Variants in PCDHA12 observed in about 807,000 individuals in gnomAD.
The protein encoded by PCDHA12 is protocadherin alpha 12.
PCDHA12 carries 44 observed loss-of-function variants against 60.0 expected under a neutral mutation model. That is an observed-to-expected ratio of 0.73 (90% CI 0.58 to 0.94). The LOEUF (loss-of-function observed/expected upper bound fraction) is 0.94, where lower values mean the gene tolerates loss of function less well. Among genes scored for constraint, PCDHA12 ranks in the 40% least tolerant of loss-of-function variants. The probability of loss-of-function intolerance (pLI) is 0.00; values close to 1 mark genes in which losing one functional copy is unlikely to be tolerated. For synonymous variants in PCDHA12, 569 were observed against 553.0 expected (o/e 1.03, Z -0.40); for missense variants, 1,276 against 1,239.7 (o/e 1.03, Z -0.44).
intron 3 of PCDHA12, among the ~76,000 whole-genome samples, chr5:140,989,538 T>TAAA (rs2097347158): frequency 6.6e-6 from 1 of 152,180 alleles, no homozygotes; most frequent in Non-Finnish European, 1.5e-5. Flanking sequence ...GAAGATAGTT[T>TAAA]GTAATTCCTT....
chr5:140,965,821 C>T (rs782710036), intron 1 of PCDHA12, among the ~76,000 whole-genome samples: 9 of 152,150 alleles, frequency 5.9e-5, no homozygotes, highest in Non-Finnish European at 1.0e-4. Flanking sequence ...GCATTTTAAA[C>T]ATTTAAATAT....
intron 1 of PCDHA12, among the ~76,000 whole-genome samples, chr5:140,972,991 T>C (rs142551667): frequency 6.6e-6 from 1 of 152,222 alleles, no homozygotes; most frequent in Non-Finnish European, 1.5e-5. Context: ...GTAGATTCTG[T>C]GCATTTGTGG....
Position 140,877,655 on chromosome 5 carries a change from C to T in PCDHA12, c.2183C>T (p.Thr728Ile), listed in dbSNP as rs868936879. 4 of 1,613,562 alleles carry T rather than the reference C, an allele frequency of 2.5e-6. No individual in the cohort carries two copies. Among genetic ancestry groups the T allele is most frequent in the South Asian group, 2.2e-5 (2 of 91,062 alleles). ...GCGCTGCGTTGCTCAGCGCCGCCCA[C>T]CGTGAGCCGGTGCGCGCCGGGCAAG... ...YTALRCSAPP[T>I]VSRCAPGKPT... Residue 728 changes from threonine to isoleucine, a missense_variant, in exon 1 of 4, where the codon ACC becomes ATC. Thr to Ile is a moderately conservative substitution (Grantham distance 89). Coordinates refer to ENST00000398631, the MANE Select transcript of PCDHA12 (RefSeq NM_018903.4).
At chr5:140,931,791 T>A (rs1168945699) in intron 1 of PCDHA12, among the ~76,000 whole-genome samples, 1 of 152,016 alleles carries the variant, frequency 6.6e-6, no homozygotes, top group African/African-American at 2.4e-5. Context: ...CCTATTGATC[T>A]GATCTTAATT....
intron 1 of PCDHA12, among the ~76,000 whole-genome samples, chr5:140,954,291 T>C (rs1309677058): frequency 6.6e-6 from 1 of 152,230 alleles, no homozygotes; most frequent in African/African-American, 2.4e-5. Context: ...TTCCTTTGGG[T>C]ACATACCCAG....
intron 1 of PCDHA12, among the ~76,000 whole-genome samples, chr5:140,921,577 A>G (rs1248608945): frequency 6.6e-6 from 1 of 152,242 alleles, no homozygotes; most frequent in African/African-American, 2.4e-5. Context: ...AGTAGAGCTC[A>G]TACTATATTA....
chr5:140,906,615 T>C (rs2072789527), intron 1 of PCDHA12, among the ~76,000 whole-genome samples: 1 of 152,226 alleles, frequency 6.6e-6, no homozygotes, highest in Admixed American at 6.5e-5. Context: ...TGTATTCCCT[T>C]TGCCTTCAGC....
chr5:141,009,557 C>T (rs782135260), intron 3 of PCDHA12, 70 bp from the exon 4 acceptor site: 38 of 1,565,272 alleles, frequency 2.4e-5, no homozygotes, highest in Non-Finnish European at 2.8e-5. Flanking sequence ...TACTCCTGTA[C>T]TCTACCAGCA....
chr5:140,937,776 G>A (rs1350103217), intron 1 of PCDHA12, among the ~76,000 whole-genome samples: 1 of 151,292 alleles, frequency 6.6e-6, no homozygotes, highest in Non-Finnish European at 1.5e-5. Context: ...GTCGGGCGTG[G>A]TGGCGGGCGT....
chr5:141,010,802 G>A lies in PCDHA12; in HGVS notation c.*865G>A, dbSNP rs1323558356. On this transcript the variant is annotated 3_prime_UTR_variant, in exon 4 of 4. Coordinates refer to ENST00000398631, the MANE Select transcript of PCDHA12 (RefSeq NM_018903.4). ...TTATGCAAAAGCAAAAGAAAACCCC[G>A]ACACCTCACCTTTCGCTGTTTGTTG... 6.5e-6 allele frequency: 1 copy of A among 153,554 alleles called. No homozygotes were observed. The highest frequency in any genetic ancestry group is 1.5e-5 in the Non-Finnish European group (1 of 68,024). The allele number at this position is 153,554 out of a possible 1,614,324, so 9.5% of individuals were successfully genotyped here. A position where few individuals can be genotyped will look rare whatever the true frequency, so the allele number is the denominator to read the frequency against.
intron 1 of PCDHA12, among the ~76,000 whole-genome samples, chr5:140,941,255 C>CTTTCTTTCTCTT (rs782490896): frequency 9.0e-5 from 4 of 44,506 alleles, no homozygotes; most frequent in Non-Finnish European, 1.5e-4. Flanking sequence ...TTCTTTCTTT[C>CTTTCTTTCTCTT]TCTTTCTTTC....
At chr5:140,894,193 T>G (rs1481492058) in intron 1 of PCDHA12, among the ~76,000 whole-genome samples, 1 of 152,170 alleles carries the variant, frequency 6.6e-6, no homozygotes, top group Non-Finnish European at 1.5e-5. Context: ...TATATATTTT[T>G]TCTATGCTAT....
intron 3 of PCDHA12, among the ~76,000 whole-genome samples, chr5:140,985,188 C>T (rs1186148399): frequency 6.6e-6 from 1 of 152,192 alleles, no homozygotes; most frequent in African/African-American, 2.4e-5. Context: ...CCGCCTGCCT[C>T]GGTCTCCCAA....
chr5:141,000,051 C>T (rs1483967510), intron 3 of PCDHA12, among the ~76,000 whole-genome samples: 3 of 152,100 alleles, frequency 2.0e-5, no homozygotes, highest in African/African-American at 7.2e-5. Flanking sequence ...ACACCACTCT[C>T]CCAGCTGCTC....
chr5:141,006,275 G>A (rs782763386), intron 3 of PCDHA12, among the ~76,000 whole-genome samples: 1 of 151,772 alleles, frequency 6.6e-6, no homozygotes. Flanking sequence ...GCAGTGGCAC[G>A]ATCTCAGCTC....
At chr5:140,881,425 G>A (rs2058709101) in intron 1 of PCDHA12, 2 of 901,294 alleles carry the variant, frequency 2.2e-6, no homozygotes, top group Non-Finnish European at 1.3e-6. Flanking sequence ...TTAGTTCCAG[G>A]CATATTTTAT....
At chr5:140,925,072 G>C (rs921580794) in intron 1 of PCDHA12, among the ~76,000 whole-genome samples, 1 of 149,184 alleles carries the variant, frequency 6.7e-6, no homozygotes, top group Non-Finnish European at 1.5e-5. Context: ...AAAGCAACAC[G>C]CTCATCTGGA....
In PCDHA12 at chr5:140,876,925, C is replaced by G. The variant is rs1554169109; in HGVS notation, c.1453C>G (p.Gln485Glu). 6.2e-7 allele frequency: 1 copy of G among 1,613,838 alleles called. No homozygotes were observed. Among genetic ancestry groups the G allele is most frequent in the South Asian group, 1.1e-5 (1 of 91,072 alleles). The change falls in exon 1 of 4, where the codon CAG becomes GAG. Residue 485 changes from glutamine (Q) to glutamate (E), a missense_variant. Gln to Glu is a conservative substitution (Grantham distance 29, BLOSUM62 2). Transcript: ENST00000398631. ...FTVSAWDADA[Q>E]KNALVSYSLV... Reference sequence around the variant, plus strand: ...GGTGTCGGCATGGGACGCGGACGCGCAGAAGAACGCGCTGGTGTCCTACTC... The same window carrying G: ...GGTGTCGGCATGGGACGCGGACGCGGAGAAGAACGCGCTGGTGTCCTACTC...
At chr5:140,967,109 C>T in intron 1 of PCDHA12, 1 of 1,612,966 alleles carries the variant, frequency 6.2e-7, no homozygotes, top group Non-Finnish European at 8.5e-7. Flanking sequence ...TGAGCAGCGG[C>T]CTCGCTGCCT....
Sources: allele counts gnomAD v4.1 joint callset (sites outside exome capture counted in the v4.1 genomes callset), GRCh38; gene constraint gnomAD v4.1.1; transcripts MANE v1.5; gene names NCBI Gene and HGNC (gene_info 2026-07-23, HGNC 2026-07-21).